Variants in STKLD1 observed in about 807,000 individuals in gnomAD.
The protein encoded by STKLD1 is serine/threonine kinase-like domain-containing protein STKLD1.
A neutral mutation model predicts 80.4 loss-of-function variants in STKLD1; 79 were observed. The observed-to-expected ratio is 0.98, with a 90% CI of 0.82 to 1.19. The LOEUF (loss-of-function observed/expected upper bound fraction) is 1.19. STKLD1 is among the 50% of genes most tolerant of loss of function. The pLI, the probability that STKLD1 is intolerant of heterozygous loss-of-function variation, is 0.00. For missense variants in STKLD1, 841 were observed against 856.0 expected (o/e 0.98, Z 0.22); for synonymous variants, 393 against 357.6 (o/e 1.10, Z -1.12).
At position 133,388,668 on chromosome 9, in the gene STKLD1, A is replaced by G. The variant is rs116575545; in HGVS notation, c.397-858A>G. 4,095 of 856,456 alleles carry G rather than the reference A, an allele frequency of 4.8e-3. 41 individuals are homozygous for G. Among genetic ancestry groups the G allele is most frequent in the African/African-American group, 0.036 (1,957 of 54,678 alleles). 53.1% of individuals were successfully genotyped at this position (856,456 alleles called of 1,614,324 possible). ...AGTTTAAGAAGCATTTCCTGCTCCA[A>G]GATCATGAAGATACTCTCCTCTGTC... On this transcript the variant is annotated intron_variant, in intron 5 of 17. Coordinates refer to ENST00000371957, the MANE Select transcript of STKLD1 (RefSeq NM_153710.5).
chr9:133,382,344 C>T (rs1838151449), intron 2 of STKLD1, among the ~76,000 whole-genome samples: 1 of 152,242 alleles, frequency 6.6e-6, no homozygotes, highest in Non-Finnish European at 1.5e-5. Flanking sequence ...AAGATGTTCT[C>T]ATTGCTCTAA....
At chr9:133,392,978 AGATG>A (rs1181288998) in intron 7 of STKLD1, among the ~76,000 whole-genome samples, 1 of 117,048 alleles carries the variant, frequency 8.5e-6, no homozygotes, top group Non-Finnish European at 1.8e-5. Flanking sequence ...GTAGGTGAGT[AGATG>A]GATGGATGGG....
At chr9:133,397,544 C>T (rs1838593788) in intron 10 of STKLD1, among the ~76,000 whole-genome samples, 1 of 152,156 alleles carries the variant, frequency 6.6e-6, no homozygotes, top group Non-Finnish European at 1.5e-5. Flanking sequence ...TGGCCCCCAC[C>T]TGTTTTCCCT....
chr9:133,379,900 C>T (rs2130262162), intron 2 of STKLD1, among the ~76,000 whole-genome samples: 4 of 152,368 alleles, frequency 2.6e-5, no homozygotes, highest in East Asian at 1.9e-4. Flanking sequence ...CGTACAGCTC[C>T]GCAGTCTCAC....
chr9:133,378,599 T>C (rs2130258091), intron 1 of STKLD1, among the ~76,000 whole-genome samples: 1 of 152,388 alleles, frequency 6.6e-6, no homozygotes, highest in East Asian at 1.9e-4. Flanking sequence ...TGTGAAGTGC[T>C]TGGCACCATG....
chr9:133,399,469 T>C (rs587729727), intron 11 of STKLD1, among the ~76,000 whole-genome samples: 4 of 152,204 alleles, frequency 2.6e-5, no homozygotes, highest in African/African-American at 9.6e-5. Context: ...ACAGAGTCCC[T>C]GGGAAGAGAG....
rs200678570 is a variant in STKLD1, at chr9:133,394,430, C to A, written c.702+21C>A. 9 of 1,556,484 alleles carry A rather than the reference C, an allele frequency of 5.8e-6. No individual in the cohort carries two copies. The highest frequency in any genetic ancestry group is 5.0e-5 in the Admixed American group (3 of 59,938). On this transcript the variant is annotated intron_variant, in intron 8 of 17. Transcript: ENST00000371957. The surrounding 1 kb of genome is among the most constrained non-coding windows in gnomAD (Gnocchi z 4.9). ...TGGATGTGAGCCGCCCTCCCTCCCC[C>A]ACACCCCACATGCTGTTCCCCACGC...
rs2130272498 is a variant in STKLD1 at position 133,384,334 on chromosome 9, C to T, written c.219+434C>T. ...TGGGCACCTGTAATCCCAGCTACTT[C>T]GAGAGGTTGAGGCGGGAGAATCACT... On this transcript the variant is annotated intron_variant, in intron 3 of 17. Transcript: ENST00000371957. This position sits in a 1 kb window ranked among gnomAD's most constrained non-coding sequence, Gnocchi z 4.3. The T allele has an allele frequency of 4.8e-5, 8 of 166,658 alleles. No homozygotes were observed. The highest frequency in any genetic ancestry group is 4.4e-4 in the South Asian group (3 of 6,882). The allele number at this position is 166,658 out of a possible 1,614,324, so 10.3% of individuals were successfully genotyped here.
At chr9:133,395,107 A>G (rs1838525775) in intron 8 of STKLD1, among the ~76,000 whole-genome samples, 1 of 152,180 alleles carries the variant, frequency 6.6e-6, no homozygotes, top group Admixed American at 6.5e-5. Context: ...AGGTCCCCAG[A>G]AAGGACAGAC....
In STKLD1 at chr9:133,379,111, G is replaced by T; in HGVS notation, c.163G>T (p.Val55Leu). The change falls in exon 2 of 18, where the codon GTG becomes TTG. Residue 55 changes from valine (V) to leucine (L), a missense_variant. Coordinates refer to ENST00000371957, the MANE Select transcript of STKLD1 (RefSeq NM_153710.5). ...GGAAATGGAAACCAAAGTCAAGCAT[G>T]TGATAAAGCAGGTAAGAGGCCAAGC... ...VEEMETKVKH[V>L]IKQVECMDDH... 1 of 1,614,008 alleles carries T rather than the reference G, an allele frequency of 6.2e-7. No homozygotes were observed. The highest frequency in any genetic ancestry group is 8.5e-7 in the Non-Finnish European group (1 of 1,179,946).
Position 133,395,703 on chromosome 9 carries a change from CCTT to C in STKLD1, c.808_810del (p.Phe270del). On this transcript the variant is annotated inframe_deletion, in exon 9 of 18. Transcript: ENST00000371957. ...GAGAAGCAGATCCCGGATGTGGAAA[CCTT>C]CAGGAATCTTCTGCCCTTGATGCTC... 2 of 1,613,526 alleles carry C rather than the reference CCTT, an allele frequency of 1.2e-6. No individual in the cohort carries two copies. Among genetic ancestry groups the C allele is most frequent in the South Asian group, 2.2e-5 (2 of 91,088 alleles).
rs1838358201 is a variant in STKLD1, at chr9:133,390,244, CACACA to C, written c.468-436_468-432del. Among the ~76,000 whole-genome samples, 2 of 112,752 alleles carry C rather than the reference CACACA, an allele frequency of 1.8e-5. No individual in the cohort carries two copies. Among genetic ancestry groups the C allele is most frequent in the African/African-American group, 3.9e-5 (1 of 25,324 alleles). 74.0% of individuals were successfully genotyped at this position (112,752 alleles called of 152,430 possible). A position where few individuals can be genotyped will look rare whatever the true frequency, so the allele number is the denominator to read the frequency against. ...ACACACACACACACACACACACACA[CACACA>C]CACCACGCAGACCATACGTACAAAG... On this transcript the variant is annotated intron_variant, in intron 6 of 17. Transcript: ENST00000371957. This position sits in a 1 kb window ranked among gnomAD's most constrained non-coding sequence, Gnocchi z 5.1.
rs2130285029 is a variant in STKLD1 at position 133,389,754 on chromosome 9, G to A, written c.467+158G>A. Among the ~76,000 whole-genome samples the A allele has an allele frequency of 2.0e-5, 3 of 152,190 alleles. No individual in the cohort carries two copies. The highest frequency in any genetic ancestry group is 4.8e-5 in the African/African-American group (2 of 41,458). On this transcript the variant is annotated intron_variant, in intron 6 of 17. Transcript: ENST00000371957. The surrounding 1 kb of genome is among the most constrained non-coding windows in gnomAD (Gnocchi z 6.4). ...GATGGGACCTTACAGAGCTCCTCCC[G>A]GGCTTGAAAGAGGCTCTTCCAAGTG... is the stretch of plus-strand genomic sequence containing the variant.
Position 133,387,551 on chromosome 9 carries a change from G to C in STKLD1, c.396+3G>C. 6.2e-7 allele frequency: 1 copy of C among 1,613,194 alleles called. No individual in the cohort carries two copies. The highest frequency in any genetic ancestry group is 8.5e-7 in the Non-Finnish European group (1 of 1,179,262). On this transcript the variant is annotated splice_donor_region_variant and intron_variant, in intron 5 of 17. Transcript: ENST00000371957. Reference sequence around the variant, plus strand: ...CAAAGAAAATCATTGACTCTGAGGTGAGGTCCTTTGGGGCACCAGGCCTGG... The same window carrying C: ...CAAAGAAAATCATTGACTCTGAGGTCAGGTCCTTTGGGGCACCAGGCCTGG...
intron 2 of STKLD1, among the ~76,000 whole-genome samples, chr9:133,379,839 A>C (rs1026356497): frequency 6.6e-6 from 1 of 152,208 alleles, no homozygotes; most frequent in Non-Finnish European, 1.5e-5. Context: ...AGGGCTGGCC[A>C]TACAGCGGGA....
At chr9:133,393,333 T>C (rs1838465217) in intron 7 of STKLD1, among the ~76,000 whole-genome samples, 1 of 22,906 alleles carries the variant, frequency 4.4e-5, no homozygotes, top group Admixed American at 5.9e-4. Flanking sequence ...AGTGGATGGA[T>C]AGGTGGGTGG....
chr9:133,397,444 C>T (rs1838591042), intron 10 of STKLD1, 150 bp downstream of exon 10: 2 of 1,052,320 alleles, frequency 1.9e-6, no homozygotes, highest in Non-Finnish European at 1.4e-6. Context: ...TTCCCTCCAT[C>T]CATCCCTACA....
chr9:133,396,574 C>T (rs955031776), intron 9 of STKLD1, among the ~76,000 whole-genome samples: 13 of 151,658 alleles, frequency 8.6e-5, no homozygotes, highest in East Asian at 5.8e-4. Flanking sequence ...GCCAACAGAG[C>T]GAAACCCCGT....
intron 9 of STKLD1, 103 bp from the exon 10 acceptor site, chr9:133,397,061 C>T (rs1554776811): frequency 1.3e-6 from 2 of 1,526,338 alleles, no homozygotes; most frequent in African/African-American, 2.7e-5. Context: ...TGTCCAGTGT[C>T]CGCACCAATG....
Sources: allele counts gnomAD v4.1 joint callset (sites outside exome capture counted in the v4.1 genomes callset), GRCh38; gene constraint gnomAD v4.1.1; non-coding constraint Gnocchi (gnomAD v3.1); transcripts MANE v1.5; gene names NCBI Gene and HGNC (gene_info 2026-07-23, HGNC 2026-07-21).